The following PRKCA variants were observed in gnomAD, a reference collection of about 807,000 sequenced individuals.
The protein encoded by PRKCA is protein kinase C alpha.
PRKCA carries 27 observed loss-of-function variants against 87.0 expected under a neutral mutation model. The ratio of observed to expected loss-of-function variants is 0.31; its 90% CI spans 0.23 to 0.43. The LOEUF is 0.43. PRKCA is among the 20% of genes least tolerant of loss of function. The pLI is 1.00. For synonymous variants in PRKCA, 329 were observed against 311.1 expected (o/e 1.06, Z -0.61); for missense variants, 518 against 852.3 (o/e 0.61, Z 4.88).
chr17:66,367,943 C>T (rs1290121968), intron 2 of PRKCA, among the ~76,000 whole-genome samples: 1 of 152,182 alleles, frequency 6.6e-6, no homozygotes, highest in African/African-American at 2.4e-5. Context: ...AATGAATTCC[C>T]TGTGTTTATA....
intron 2 of PRKCA, among the ~76,000 whole-genome samples, chr17:66,325,296 T>TA (rs1010732718): frequency 5.9e-5 from 9 of 152,258 alleles, no homozygotes; most frequent in African/African-American, 1.7e-4. Context: ...TGTAAAATGT[T>TA]AAATTTTTCT....
At chr17:66,699,717 G>T (rs550563937) in intron 8 of PRKCA, among the ~76,000 whole-genome samples, 18 of 152,304 alleles carry the variant, frequency 1.2e-4, no homozygotes, top group Middle Eastern at 3.4e-3. Context: ...CTCCTGAATA[G>T]GTGGGACTAC....
Position 66,768,244 on chromosome 17 carries a change from ATTT to A in PRKCA, c.1525-5728_1525-5726del, listed in dbSNP as rs148009151. ...CAAGCGTGAGCCACCATGCCCAGCCATTTTTTTTTTTTTTTTTGGGGGGGAGAG... is the reference window on the plus strand; with the variant it reads ...CAAGCGTGAGCCACCATGCCCAGCCATTTTTTTTTTTTTTGGGGGGGAGAG... On this transcript the variant is annotated intron_variant, in intron 13 of 16. Coordinates refer to ENST00000413366, the MANE Select transcript of PRKCA (RefSeq NM_002737.3). 2.3e-3 allele frequency among the ~76,000 whole-genome samples: 310 copies of A among 132,474 alleles called. 1 individual carries two copies. Among genetic ancestry groups the A allele is most frequent in the African/African-American group, 7.8e-3 (285 of 36,494 alleles). The allele number at this position is 132,474 out of a possible 152,430, so 86.9% of individuals were successfully genotyped here.
At chr17:66,642,901 G>C (rs1167355508) in intron 4 of PRKCA, among the ~76,000 whole-genome samples, 1 of 152,088 alleles carries the variant, frequency 6.6e-6, no homozygotes, top group Non-Finnish European at 1.5e-5. Context: ...AATTAGTCTG[G>C]TGGTGGTGGT....
At chr17:66,542,994 CTA>C (rs1163011223) in intron 3 of PRKCA, among the ~76,000 whole-genome samples, 1 of 152,132 alleles carries the variant, frequency 6.6e-6, no homozygotes, top group African/African-American at 2.4e-5. Context: ...ATTGTTTCAT[CTA>C]TAGGCATCCA....
At chr17:66,594,292 T>C (rs1969903974) in intron 3 of PRKCA, among the ~76,000 whole-genome samples, 1 of 152,168 alleles carries the variant, frequency 6.6e-6, no homozygotes, top group African/African-American at 2.4e-5. Context: ...TGACAGCTCT[T>C]CCTGGCATAT....
intron 2 of PRKCA, 133 bp downstream of exon 2, chr17:66,306,260 T>A: frequency 2.1e-6 from 2 of 931,046 alleles, no homozygotes; most frequent in Non-Finnish European, 3.2e-6. Context: ...ATGAGGGCTG[T>A]AAATTTGGGC....
At chr17:66,476,973 T>A (rs1165531595) in intron 2 of PRKCA, among the ~76,000 whole-genome samples, 1 of 152,172 alleles carries the variant, frequency 6.6e-6, no homozygotes, top group African/African-American at 2.4e-5. Flanking sequence ...TGATGCTAAT[T>A]TCCATTTTAG....
chr17:66,779,286 G>C (rs914614854), intron 14 of PRKCA, among the ~76,000 whole-genome samples: 1 of 152,152 alleles, frequency 6.6e-6, no homozygotes, highest in African/African-American at 2.4e-5. Flanking sequence ...CAGCAGCCAA[G>C]GGGGCAGTTA....
At chr17:66,757,045 G>A (rs192362538) in intron 13 of PRKCA, among the ~76,000 whole-genome samples, 91 of 152,292 alleles carry the variant, frequency 6.0e-4, no homozygotes, top group African/African-American at 2.1e-3. Context: ...GAACAGATGG[G>A]CAGTGTTAAG....
intron 2 of PRKCA, among the ~76,000 whole-genome samples, chr17:66,372,126 A>G (rs1252890753): frequency 2.0e-5 from 3 of 152,212 alleles, no homozygotes; most frequent in African/African-American, 4.8e-5. Context: ...TGGGGACTTC[A>G]TTTAAAAATG....
intron 2 of PRKCA, among the ~76,000 whole-genome samples, chr17:66,474,038 A>G (rs753784694): frequency 1.3e-5 from 2 of 152,206 alleles, no homozygotes; most frequent in Non-Finnish European, 2.9e-5. Flanking sequence ...TTCTTGCCAC[A>G]TCACTCTTTC....
At chr17:66,721,314 G>C (rs985397050) in intron 8 of PRKCA, among the ~76,000 whole-genome samples, 1 of 151,122 alleles carries the variant, frequency 6.6e-6, no homozygotes, top group South Asian at 2.1e-4. Flanking sequence ...GGAGAATGGC[G>C]TGTATCCGGA....
intron 2 of PRKCA, among the ~76,000 whole-genome samples, chr17:66,468,433 T>G (rs542181956): frequency 1.3e-5 from 2 of 152,316 alleles, no homozygotes; most frequent in East Asian, 3.9e-4. Flanking sequence ...CTGACTGACT[T>G]GTTCCTGCAC....
intron 3 of PRKCA, among the ~76,000 whole-genome samples, chr17:66,613,933 C>T (rs1970445922): frequency 6.6e-6 from 1 of 151,864 alleles, no homozygotes; most frequent in African/African-American, 2.4e-5. Flanking sequence ...CAGGTGTGCA[C>T]CATCACACCC....
intron 2 of PRKCA, among the ~76,000 whole-genome samples, chr17:66,346,446 T>A (rs1907377167): frequency 6.6e-6 from 1 of 151,900 alleles, no homozygotes; most frequent in South Asian, 2.1e-4. Flanking sequence ...AGAGTCTTGC[T>A]ATATTGCCCG....
intron 3 of PRKCA, among the ~76,000 whole-genome samples, chr17:66,612,386 A>AG (rs1466333435): frequency 6.6e-6 from 1 of 150,780 alleles, no homozygotes; most frequent in Non-Finnish European, 1.5e-5. Flanking sequence ...TGTCTCAAAA[A>AG]AAAAAAAAAA....
intron 2 of PRKCA, among the ~76,000 whole-genome samples, chr17:66,372,430 G>T (rs4520870): frequency 0.99 from 150,011 of 152,254 alleles, 73,936 homozygotes; most frequent in East Asian, 1. Flanking sequence ...GAATCACTAG[G>T]TTTTTTTTAA....
intron 8 of PRKCA, among the ~76,000 whole-genome samples, chr17:66,695,421 A>G (rs945223776): frequency 3.3e-5 from 5 of 152,190 alleles, no homozygotes; most frequent in Admixed American, 3.3e-4. Flanking sequence ...TGGACTTTCA[A>G]CGAACTCATT....
Sources: gnomAD v4.1 joint callset for allele counts (sites outside exome capture counted in the v4.1 genomes callset) on GRCh38, gnomAD v4.1.1 for gene constraint, MANE v1.5 for transcripts, NCBI Gene and HGNC (gene_info 2026-07-23, HGNC 2026-07-21) for gene names.